The following CDH7 variants were observed in gnomAD, a reference collection of about 807,000 sequenced individuals.
The protein encoded by CDH7 is cadherin-7.
In CDH7, 25 loss-of-function variants were observed where a neutral mutation model predicts 71.8. The observed-to-expected ratio is 0.35, with a 90% CI of 0.25 to 0.49. The LOEUF (loss-of-function observed/expected upper bound fraction) is 0.49. CDH7 is among the 20% of genes least tolerant of loss of function. The pLI, the probability that CDH7 is intolerant of heterozygous loss-of-function variation, is 0.99. For missense variants in CDH7, 862 were observed against 974.6 expected (o/e 0.88, Z 1.54); for synonymous variants, 381 against 363.8 (o/e 1.05, Z -0.54).
intron 6 of CDH7, among the ~76,000 whole-genome samples, chr18:65,830,937 G>A (rs534627981): frequency 2.6e-5 from 4 of 151,678 alleles, no homozygotes; most frequent in African/African-American, 4.8e-5. Flanking sequence ...CATAGCCTGC[G>A]TCTAGCTTCT....
chr18:65,763,309 A>G (rs1269257606), intron 2 of CDH7, among the ~76,000 whole-genome samples: 1 of 152,172 alleles, frequency 6.6e-6, no homozygotes, highest in African/African-American at 2.4e-5. Flanking sequence ...AGGATTCTAC[A>G]GAGGCCTAGT....
At chr18:65,814,365 T>A in intron 3 of CDH7, 120 bp from the exon 4 acceptor site, 1 of 1,114,994 alleles carries the variant, frequency 9.0e-7, no homozygotes. Flanking sequence ...TTATGTGTCT[T>A]GAAAAAGATA....
chr18:65,841,491 A>G (rs1166259265), intron 6 of CDH7, among the ~76,000 whole-genome samples: 1 of 152,186 alleles, frequency 6.6e-6, no homozygotes. Context: ...TTACATATAG[A>G]CACATCATAT....
chr18:65,872,350 A>T (rs1913952931), intron 11 of CDH7, among the ~76,000 whole-genome samples: 1 of 152,188 alleles, frequency 6.6e-6, no homozygotes, highest in East Asian at 1.9e-4. Context: ...GGAAATGTGG[A>T]GTAGGCTATT....
chr18:65,838,219 C>G (rs1259385682), intron 6 of CDH7, among the ~76,000 whole-genome samples: 1 of 152,056 alleles, frequency 6.6e-6, no homozygotes, highest in Non-Finnish European at 1.5e-5. Context: ...CATGCCCGAC[C>G]TAACATAAAA....
chr18:65,793,127 T>G (rs1910772968), intron 2 of CDH7, among the ~76,000 whole-genome samples: 2 of 152,132 alleles, frequency 1.3e-5, no homozygotes, highest in Admixed American at 1.3e-4. Context: ...TGAAACATTT[T>G]TTTTCTAAAT....
intron 1 of CDH7, among the ~76,000 whole-genome samples, chr18:65,757,787 A>ATT (rs1346441707): frequency 2.1e-5 from 3 of 141,260 alleles, no homozygotes; most frequent in African/African-American, 8.7e-5. Flanking sequence ...CCATATATAT[A>ATT]TATATTTTTT....
chr18:65,862,421 T>G (rs1292197548), intron 10 of CDH7, among the ~76,000 whole-genome samples: 2 of 152,208 alleles, frequency 1.3e-5, no homozygotes, highest in Non-Finnish European at 2.9e-5. Flanking sequence ...CATTTTCATA[T>G]TTTGTTTTAC....
chr18:65,793,059 C>T (rs558332046), intron 2 of CDH7, among the ~76,000 whole-genome samples: 1 of 152,196 alleles, frequency 6.6e-6, no homozygotes, highest in African/African-American at 2.4e-5. Context: ...TTATCTCTTA[C>T]AACTTGAGCA....
Position 65,862,643 on chromosome 18 carries a change from T to C in CDH7, c.1613-23T>C, listed in dbSNP as rs370189336. 7 of 1,609,664 alleles carry C rather than the reference T, an allele frequency of 4.3e-6. No homozygotes were observed. The Admixed American group carries it at 6.7e-5, about 15-fold the overall frequency. On this transcript the variant is annotated intron_variant, in intron 10 of 11. Coordinates refer to ENST00000397968, the MANE Select transcript of CDH7 (RefSeq NM_004361.5). ...TGATTCCATCAGAAATCTGGTGTTA[T>C]ACATTTGCTTTCGTTATCCTAGACA...
At chr18:65,812,817 T>C (rs1477141968) in intron 3 of CDH7, among the ~76,000 whole-genome samples, 2 of 152,230 alleles carry the variant, frequency 1.3e-5, no homozygotes, top group African/African-American at 4.8e-5. Flanking sequence ...TTAAAATTGT[T>C]TGCTTTCTTT....
intron 2 of CDH7, among the ~76,000 whole-genome samples, chr18:65,807,817 A>G (rs1035810199): frequency 7.9e-5 from 12 of 152,166 alleles, no homozygotes; most frequent in African/African-American, 2.9e-4. Context: ...ACACATGGAA[A>G]CCACTGGAAG....
At chr18:65,761,134 G>A (rs1916178723) in intron 1 of CDH7, among the ~76,000 whole-genome samples, 1 of 152,100 alleles carries the variant, frequency 6.6e-6, no homozygotes, top group South Asian at 2.1e-4. Context: ...TACCATTCTG[G>A]TGGCTCTCAG....
intron 6 of CDH7, among the ~76,000 whole-genome samples, chr18:65,841,918 A>G (rs1841145302): frequency 6.6e-6 from 1 of 152,160 alleles, no homozygotes; most frequent in African/African-American, 2.4e-5. Flanking sequence ...CCTCATAAAA[A>G]TATTACTGAG....
upstream of CDH7, chr18:65,750,434 G>C (rs1053461315): frequency 6.6e-6 from 1 of 152,190 alleles, no homozygotes; most frequent in Admixed American, 6.5e-5. Context: ...CTCCAGCTCC[G>C]TGCTTTCAGA....
intron 1 of CDH7, among the ~76,000 whole-genome samples, chr18:65,757,052 T>G (rs1916050129): frequency 3.9e-5 from 6 of 152,048 alleles, no homozygotes; most frequent in Admixed American, 3.9e-4. Context: ...CAGTTTTTTT[T>G]TTTTTTGCAT....
At chr18:65,820,594 A>G (rs1057088137) in intron 4 of CDH7, among the ~76,000 whole-genome samples, 2 of 152,182 alleles carry the variant, frequency 1.3e-5, no homozygotes, top group African/African-American at 4.8e-5. Context: ...CAATTATATT[A>G]TTCTTGTCAA....
At position 65,885,372 on chromosome 18, in the gene CDH7, G is replaced by GTTTTTTTTTTTGTTTT. The variant is rs1914343698; in HGVS notation, c.*4489_*4490insGTTTTTTTTTTTTTTT. ...GTAACTGAAAAGGATGTGTGCCTGT[G>GTTTTTTTTTTTGTTTT]TTTTTTTTTTTTTTTTTTTTTTTGA... On this transcript the variant is annotated 3_prime_UTR_variant, in exon 12 of 12. Transcript: ENST00000397968. The GTTTTTTTTTTTGTTTT allele has an allele frequency of 1.4e-5, 1 of 69,436 alleles. No individual in the cohort carries two copies. Among genetic ancestry groups the GTTTTTTTTTTTGTTTT allele is most frequent in the Non-Finnish European group, 2.7e-5 (1 of 37,390 alleles). The allele number at this position is 69,436 out of a possible 1,614,324, so 4.3% of individuals were successfully genotyped here.
intron 7 of CDH7, among the ~76,000 whole-genome samples, chr18:65,854,796 T>C (rs1458263907): frequency 1.3e-5 from 2 of 152,146 alleles, no homozygotes; most frequent in Non-Finnish European, 2.9e-5. Flanking sequence ...CATTAAGTTA[T>C]AATCCTCTTA....
Sources: gnomAD v4.1 joint callset for allele counts (sites outside exome capture counted in the v4.1 genomes callset) on GRCh38, gnomAD v4.1.1 for gene constraint, MANE v1.5 for transcripts, NCBI Gene and HGNC (gene_info 2026-07-23, HGNC 2026-07-21) for gene names.